DNAH3: variants seen among roughly 807,000 people sequenced by gnomAD.
DNAH3 encodes the protein dynein axonemal heavy chain 3, also known as axonemal beta dynein heavy chain 3.
In DNAH3, 332 loss-of-function variants were observed where a neutral mutation model predicts 432.5. That is an observed-to-expected ratio of 0.77 (90% CI 0.70 to 0.84). The LOEUF (loss-of-function observed/expected upper bound fraction) is 0.84, where lower values mean the gene tolerates loss of function less well. DNAH3 is among the 40% of genes least tolerant of loss of function. The pLI is 0.00. For synonymous variants in DNAH3, 1,956 were observed against 1,900.2 expected (o/e 1.03, Z -0.76); for missense variants, 4,861 against 5,114.0 (o/e 0.95, Z 1.51).
At chr16:21,066,297 A>G (rs1031591555) in intron 24 of DNAH3, among the ~76,000 whole-genome samples, 4 of 152,120 alleles carry the variant, frequency 2.6e-5, no homozygotes, top group Admixed American at 2.0e-4. Flanking sequence ...GTGACCATCA[A>G]TGGTGAACTA....
At chr16:21,100,968 A>T (rs1423963191) in intron 16 of DNAH3, among the ~76,000 whole-genome samples, 1 of 152,214 alleles carries the variant, frequency 6.6e-6, no homozygotes, top group East Asian at 1.9e-4. Context: ...TAAGTACATT[A>T]TAGTTTCCAA....
At chr16:20,996,497 T>C (rs2086767303) in intron 44 of DNAH3, among the ~76,000 whole-genome samples, 1 of 152,154 alleles carries the variant, frequency 6.6e-6, no homozygotes, top group African/African-American at 2.4e-5. Context: ...TCTCATTCTG[T>C]TGCCCAGGCT....
chr16:20,941,489 C>G (rs773289145), exon 59 of DNAH3: 1 of 1,614,058 alleles, frequency 6.2e-7, no homozygotes, highest in Non-Finnish European at 8.5e-7. Context: ...TCTTCCAGGT[C>G]AAAGTCTCTG....
At chr16:21,016,510 C>A (rs145860756) in intron 41 of DNAH3, among the ~76,000 whole-genome samples, 2 of 152,112 alleles carry the variant, frequency 1.3e-5, no homozygotes, top group Non-Finnish European at 2.9e-5. Context: ...AGAGAGAATA[C>A]AAGCACTGGT....
At chr16:20,978,597 G>A (rs372355053) in intron 50 of DNAH3, among the ~76,000 whole-genome samples, 13 of 152,264 alleles carry the variant, frequency 8.5e-5, no homozygotes, top group African/African-American at 2.9e-4. Flanking sequence ...GCAGTGGTAC[G>A]ATCATAGCTC....
intron 14 of DNAH3, among the ~76,000 whole-genome samples, chr16:21,110,799 A>T (rs1157968004): frequency 6.6e-6 from 1 of 152,152 alleles, no homozygotes; most frequent in African/African-American, 2.4e-5. Flanking sequence ...TGAGCCTGGG[A>T]GGTCGAGGCT....
intron 31 of DNAH3, among the ~76,000 whole-genome samples, chr16:21,045,559 CT>C (rs2089655503): frequency 6.7e-6 from 1 of 148,590 alleles, no homozygotes; most frequent in South Asian, 2.2e-4. Flanking sequence ...TTTGATTCTT[CT>C]CTCTTTTTTT....
intron 40 of DNAH3, 138 bp from the exon 41 acceptor site, chr16:21,020,007 G>T: frequency 1.1e-6 from 1 of 897,910 alleles, no homozygotes; most frequent in Non-Finnish European, 1.7e-6. Flanking sequence ...TCACCTACCA[G>T]ATCATTTCAC....
chr16:21,005,459 A>G (rs751855128), intron 41 of DNAH3, among the ~76,000 whole-genome samples: 7 of 151,888 alleles, frequency 4.6e-5, no homozygotes, highest in Non-Finnish European at 1.0e-4. Flanking sequence ...ACAATTCACT[A>G]CAGCCTCAAC....
intron 38 of DNAH3, 21 bp from the exon 39 acceptor site, chr16:21,024,722 G>A: frequency 6.4e-7 from 1 of 1,573,722 alleles, no homozygotes; most frequent in Non-Finnish European, 8.7e-7. Context: ...CAGAGGACCA[G>A]TTTAGGTGCT....
rs368077065 is a variant in DNAH3, at chr16:20,945,116, C to A, written c.11344-453G>T. Among the ~76,000 whole-genome samples the A allele has an allele frequency of 9.5e-4, 144 of 152,316 alleles. 4 individuals are homozygous for A. The South Asian group carries it at 0.029, about 31-fold the overall frequency. On this transcript the variant is annotated intron_variant, in intron 57 of 61. Transcript: ENST00000261383. ...ACAGGAGTCAGCACAAGATACAGGTCACAAAGACCTTGCTGATAAAACAGG... is the reference window on the plus strand; with the variant it reads ...ACAGGAGTCAGCACAAGATACAGGTAACAAAGACCTTGCTGATAAAACAGG...
chr16:21,092,642 C>T (rs1462955322), intron 18 of DNAH3, among the ~76,000 whole-genome samples: 4 of 115,934 alleles, frequency 3.5e-5, no homozygotes, highest in Non-Finnish European at 6.6e-5. Flanking sequence ...AGATTCTCCC[C>T]TGTAAAAGAT....
At chr16:20,989,957 G>A (rs2086467909) in intron 44 of DNAH3, among the ~76,000 whole-genome samples, 1 of 152,190 alleles carries the variant, frequency 6.6e-6, no homozygotes, top group Non-Finnish European at 1.5e-5. Flanking sequence ...CCAAGCCCAC[G>A]CCCACCCGGA....
At chr16:20,976,964 GACAA>G (rs1392610690) in intron 50 of DNAH3, among the ~76,000 whole-genome samples, 50 of 152,348 alleles carry the variant, frequency 3.3e-4, no homozygotes, top group African/African-American at 1.2e-3. Context: ...AGCTGACTAA[GACAA>G]ACAGTCTGAT....
At chr16:21,031,420 T>C in intron 36 of DNAH3, 134 bp from the exon 37 acceptor site, 1 of 1,145,052 alleles carries the variant, frequency 8.7e-7, no homozygotes, top group Non-Finnish European at 1.2e-6. Context: ...TTATAAAACA[T>C]GTGCTCAGTT....
intron 31 of DNAH3, among the ~76,000 whole-genome samples, chr16:21,042,556 C>G (rs1426392550): frequency 2.0e-5 from 3 of 152,088 alleles, no homozygotes; most frequent in African/African-American, 7.2e-5. Flanking sequence ...ATTATACACT[C>G]TTTTGTGATG....
At position 20,936,637 on chromosome 16, in the gene DNAH3, A is replaced by T. The variant is rs2083599605; in HGVS notation, c.11859+12T>A. The T allele has an allele frequency of 6.3e-7, 1 of 1,579,922 alleles. No homozygotes were observed. Among genetic ancestry groups the T allele is most frequent in the Non-Finnish European group, 8.6e-7 (1 of 1,161,850 alleles). On this transcript the variant is annotated intron_variant, in intron 60 of 61. Transcript: ENST00000261383. ...CATGCCAGGTTCCCGGTTACCCCTG[A>T]CTCCCAGGTACCTGGAAGAAGGTCA...
Position 20,952,471 on chromosome 16 carries a change from T to C in DNAH3, c.11150A>G (p.Tyr3717Cys), listed in dbSNP as rs758197286. ...CAGAGCATCAAAGGGCACCTCCTTG[T>C]AGTCATTGAGAAACATCTGGATCTG... The change falls in exon 56 of 62, where the codon TAC (tyrosine) becomes TGC (cysteine). Residue 3717 changes from tyrosine to cysteine, a missense_variant. Transcript: ENST00000261383. 1.2e-6 allele frequency: 2 copies of C among 1,613,440 alleles called. No homozygotes were observed. The highest frequency in any genetic ancestry group is 1.1e-5 in the South Asian group (1 of 91,072).
intron 51 of DNAH3, among the ~76,000 whole-genome samples, chr16:20,974,941 C>T (rs987385772): frequency 6.6e-6 from 1 of 151,086 alleles, no homozygotes; most frequent in East Asian, 1.9e-4. Context: ...GCCTCAGCTT[C>T]CTGAGTAGCT....
Sources: allele counts gnomAD v4.1 joint callset (sites outside exome capture counted in the v4.1 genomes callset), GRCh38; gene constraint gnomAD v4.1.1; transcripts MANE v1.5; gene names NCBI Gene and HGNC (gene_info 2026-07-23, HGNC 2026-07-21).